The following ABLIM1 variants were observed in gnomAD, a reference collection of about 807,000 sequenced individuals.
ABLIM1 encodes the protein actin binding LIM protein 1.
ABLIM1 carries 40 observed loss-of-function variants against 107.0 expected under a neutral mutation model. The observed-to-expected ratio is 0.37, with a 90% CI of 0.29 to 0.49. ABLIM1 has a LOEUF of 0.49. Ranked by LOEUF, ABLIM1 falls within the 20% of genes least tolerant of loss-of-function variation. The probability of loss-of-function intolerance (pLI) is 0.97; values close to 1 mark genes in which losing one functional copy is unlikely to be tolerated. For missense variants in ABLIM1, 857 were observed against 1,008.5 expected (o/e 0.85, Z 2.04); for synonymous variants, 357 against 357.3 (o/e 1.00, Z 0.01).
chr10:114,438,652 T>G (rs941406934), intron 21 of ABLIM1, among the ~76,000 whole-genome samples: 2 of 152,196 alleles, frequency 1.3e-5, no homozygotes, highest in African/African-American at 4.8e-5. Flanking sequence ...CATGAATCTA[T>G]GGGGCCAGGC....
rs980192487 is a variant in ABLIM1, at chr10:114,707,622, G to C, written c.-213+60439C>G. Among the ~76,000 whole-genome samples, 1 of 152,060 alleles carries C rather than the reference G, an allele frequency of 6.6e-6. No individual in the cohort carries two copies. The highest frequency in any genetic ancestry group is 2.4e-5 in the African/African-American group (1 of 41,398). ...AGTCATAAAAAACTAATTACCGGCC[G>C]GGCACGGTGGCTCACACTTATAATC... On this transcript the variant is annotated intron_variant, in intron 1 of 15. Coordinates refer to the ABLIM1 transcript ENST00000651092. The surrounding 1 kb of genome is among the most constrained non-coding windows in gnomAD (Gnocchi z 4.1).
At chr10:114,466,656 C>T (rs1248021764) in intron 11 of ABLIM1, among the ~76,000 whole-genome samples, 1 of 152,178 alleles carries the variant, frequency 6.6e-6, no homozygotes, top group Non-Finnish European at 1.5e-5. Flanking sequence ...GATCTGGTGG[C>T]ATTTTAAATA....
chr10:114,662,861 T>C (rs2079852730), upstream of ABLIM1, among the ~76,000 whole-genome samples: 1 of 152,182 alleles, frequency 6.6e-6, no homozygotes, highest in Non-Finnish European at 1.5e-5. Flanking sequence ...ATACACTGCA[T>C]AGGCAACGTT....
chr10:114,768,155 GCCCGGC>G (rs903489796), upstream of ABLIM1: 3 of 304,614 alleles, frequency 9.8e-6, no homozygotes, highest in African/African-American at 6.8e-5. Context: ...CGGAGCGCCC[GCCCGGC>G]CCCGGCCCCC....
chr10:114,712,394 A>T (rs2081573219), intron 1 of ABLIM1, among the ~76,000 whole-genome samples: 1 of 149,742 alleles, frequency 6.7e-6, no homozygotes, highest in South Asian at 2.1e-4. Flanking sequence ...GAATGCTATA[A>T]TTAAAAGCCA....
At chr10:114,632,105 C>G (rs1024925183) in intron 1 of ABLIM1, 1 of 985,342 alleles carries the variant, frequency 1.0e-6, no homozygotes, top group African/African-American at 1.7e-5. Flanking sequence ...GCTCCCATGC[C>G]CGCCCCGCTA....
At chr10:114,488,135 G>T in intron 7 of ABLIM1, 119 bp from the exon 8 acceptor site, 1 of 1,066,642 alleles carries the variant, frequency 9.4e-7, no homozygotes, top group Non-Finnish European at 1.4e-6. Context: ...AGGTGTTATT[G>T]CTTTATGTCC....
At chr10:114,610,819 T>C (rs1480779705) in intron 1 of ABLIM1, 1 of 152,182 alleles carries the variant, frequency 6.6e-6, no homozygotes, top group Non-Finnish European at 1.5e-5. Flanking sequence ...GGCAGTACAA[T>C]GGTGGGCTTC....
At chr10:114,591,453 T>C (rs1335758228) in intron 2 of ABLIM1, among the ~76,000 whole-genome samples, 2 of 152,290 alleles carry the variant, frequency 1.3e-5, no homozygotes, top group African/African-American at 2.4e-5. Flanking sequence ...TATTAAATGG[T>C]ATAATTAAAT....
At chr10:114,697,280 C>T (rs2081215139) in intron 1 of ABLIM1, among the ~76,000 whole-genome samples, 1 of 152,252 alleles carries the variant, frequency 6.6e-6, no homozygotes, top group African/African-American at 2.4e-5. Flanking sequence ...AAGTGGCACT[C>T]ATAAAACAGT....
At chr10:114,780,359 T>G in the ABLIM1 span, among the ~76,000 whole-genome samples, 1 of 152,186 alleles carries the variant, frequency 6.6e-6, no homozygotes, top group Non-Finnish European at 1.5e-5. Context: ...CGGTGACTCT[T>G]GAATCAGGCA....
rs2497746 is a variant in ABLIM1 at position 114,574,508 on chromosome 10, C to A, written c.563+908G>T. ...AGATTGGAGTGCAGTGGCACGATCT[C>A]GGCTCACTGCAACCTCCGCCTCCCG... is the stretch of plus-strand genomic sequence containing the variant. On this transcript the variant is annotated intron_variant, in intron 3 of 22. Coordinates refer to ENST00000533213, the MANE Select transcript of ABLIM1 (RefSeq NM_002313.7). Among the ~76,000 whole-genome samples, 5 of 152,032 alleles carry A rather than the reference C, an allele frequency of 3.3e-5. No individual in the cohort carries two copies. In the East Asian group the frequency reaches 7.7e-4, roughly 24 times the overall value.
At chr10:114,532,473 T>C (rs555155582) in intron 6 of ABLIM1, among the ~76,000 whole-genome samples, 3 of 152,320 alleles carry the variant, frequency 2.0e-5, no homozygotes, top group Non-Finnish European at 2.9e-5. Flanking sequence ...CACATTCAGG[T>C]GTGAAACAGA....
intron 1 of ABLIM1, among the ~76,000 whole-genome samples, chr10:114,719,160 C>T (rs1383579999): frequency 6.6e-6 from 1 of 152,218 alleles, no homozygotes; most frequent in Non-Finnish European, 1.5e-5. Flanking sequence ...CACCATTGAT[C>T]TCTCTGCCTT....
At chr10:114,473,235 TAAAC>T (rs1208155970) in intron 9 of ABLIM1, 103 bp from the exon 10 acceptor site, 2 of 1,239,276 alleles carry the variant, frequency 1.6e-6, no homozygotes, top group African/African-American at 3.0e-5. Flanking sequence ...GGCCTTAAAA[TAAAC>T]AAAAACCAAA....
chr10:114,639,466 C>A (rs531488270), intron 1 of ABLIM1, among the ~76,000 whole-genome samples: 1 of 152,348 alleles, frequency 6.6e-6, no homozygotes, highest in South Asian at 2.1e-4. Context: ...ACACCGGCCA[C>A]ACAGGCCGCC....
chr10:114,655,353 A>G (rs1252846529), intron 1 of ABLIM1, among the ~76,000 whole-genome samples: 3 of 152,210 alleles, frequency 2.0e-5, no homozygotes, highest in South Asian at 2.1e-4. Flanking sequence ...GAATCTGCTG[A>G]TAAGTCATTA....
chr10:114,725,215 C>G (rs572619715), intron 1 of ABLIM1, among the ~76,000 whole-genome samples: 1 of 152,102 alleles, frequency 6.6e-6, no homozygotes, highest in East Asian at 1.9e-4. Context: ...CCACAACTAG[C>G]AATTTACCTG....
chr10:114,500,153 G>A (rs1447242231), intron 6 of ABLIM1, among the ~76,000 whole-genome samples: 3 of 152,218 alleles, frequency 2.0e-5, no homozygotes, highest in Non-Finnish European at 4.4e-5. Context: ...TACTAACTGC[G>A]AGGCTTCTGA....
Sources: allele counts gnomAD v4.1 joint callset (sites outside exome capture counted in the v4.1 genomes callset), GRCh38; gene constraint gnomAD v4.1.1; non-coding constraint Gnocchi (gnomAD v3.1); transcripts MANE v1.5; gene names NCBI Gene and HGNC (gene_info 2026-07-23, HGNC 2026-07-21).